The following NACA variants were observed in gnomAD, a reference collection of about 807,000 sequenced individuals.
NACA encodes nascent polypeptide-associated complex subunit alpha.
Under a neutral mutation model 86.4 loss-of-function variants are expected in NACA, and 42 were observed. The ratio of observed to expected loss-of-function variants is 0.49; its 90% CI spans 0.38 to 0.63. NACA has a LOEUF of 0.63. Among genes scored for constraint, NACA ranks in the 20% least tolerant of loss-of-function variants. NACA has a pLI of 0.00. For synonymous variants in NACA, 898 were observed against 973.7 expected, an observed-to-expected ratio of 0.92 and a Z score of 1.45; for missense variants, 2,157 against 2,483.6, an observed-to-expected ratio of 0.87 and a Z score of 2.80.
chr12:56,716,038 G>C lies in NACA; in HGVS notation c.5492C>G (p.Pro1831Arg). 6.2e-7 allele frequency: 1 copy of C among 1,609,060 alleles called. No individual in the cohort carries two copies. Among genetic ancestry groups the C allele is most frequent in the East Asian group, 2.2e-5 (1 of 44,798 alleles). ...CTCATCCTCATCAGCAGGGGCAAGG[G>C]GTTTAGAGGGTGATTCCAACACCAG... The part of the protein sequence containing the change: ...PGLVLESPSK[P>R]LAPADEDELL... The change falls in exon 3 of 9, where the codon CCC (proline) becomes CGC (arginine). Residue 1831 changes from proline to arginine, a missense_variant. Transcript: ENST00000454682.
At position 56,716,072 on chromosome 12, in the gene NACA, A is replaced by T; in HGVS notation, c.5458T>A (p.Ser1820Thr). 6.2e-7 allele frequency: 1 copy of T among 1,612,604 alleles called. No homozygotes were observed. The highest frequency in any genetic ancestry group is 8.5e-7 in the Non-Finnish European group (1 of 1,179,080). ...LPPKQQFLPS[S>T]PGLVLESPSK... Reference sequence around the variant, plus strand: ...GGTGATTCCAACACCAGCCCAGGAGAGGACGGCAGAAATTGCTGTTTAGGA... The same window carrying T: ...GGTGATTCCAACACCAGCCCAGGAGTGGACGGCAGAAATTGCTGTTTAGGA... The change falls in exon 3 of 9, where the codon TCT becomes ACT. Residue 1820 changes from serine to threonine, a missense_variant. Ser to Thr is a moderately conservative substitution (Grantham distance 58, BLOSUM62 1). Around this residue, in one of 8 missense-constraint regions of NACA, gnomAD observed 797 missense variants for 777.6 expected, o/e 1.02. Transcript: ENST00000454682.
rs1276357111 is a variant in NACA, at chr12:56,720,592, T to C, written c.938A>G (p.His313Arg). 2 of 1,613,878 alleles carry C rather than the reference T, an allele frequency of 1.2e-6. No individual in the cohort carries two copies. The highest frequency in any genetic ancestry group is 1.7e-5 in the Admixed American group (1 of 60,012). The change falls in exon 3 of 9, where the codon CAT (histidine) becomes CGT (arginine). Residue 313 changes from histidine to arginine, a missense_variant. Transcript: ENST00000454682. ...ISLGSHLAPL[H>R]QSSFGSVQLL... ...TTGGACAGAACCAAAAGAACTCTGA[T>C]GTAAAGGTGCAAGATGAGAGCCCAG...
At position 56,712,495 on chromosome 12, in the gene NACA, C is replaced by A; in HGVS notation, c.*43G>T. 1 of 1,584,172 alleles carries A rather than the reference C, an allele frequency of 6.3e-7. No individual in the cohort carries two copies. The highest frequency in any genetic ancestry group is 8.6e-7 in the Non-Finnish European group (1 of 1,156,106). On this transcript the variant is annotated 3_prime_UTR_variant, in exon 9 of 9. Transcript: ENST00000454682. ...ACAGTACAAATTTCAAACCAAGCTG[C>A]AGTTACTCCTTTGAGACACCAAAAA...
chr12:56,720,495 G>A lies in NACA; in HGVS notation c.1035C>T (p.Ser345=). 6.2e-7 allele frequency: 1 copy of A among 1,613,790 alleles called. No individual in the cohort carries two copies. Among genetic ancestry groups the A allele is most frequent in the Non-Finnish European group, 8.5e-7 (1 of 1,179,764 alleles). Residue 345 remains serine (S), a synonymous_variant, in exon 3 of 9, where the codon TCC becomes TCT. Coordinates refer to ENST00000454682, the MANE Select transcript of NACA (RefSeq NM_001365896.1). Reference sequence around the variant, plus strand: ...TCTGAGAAGGATAAGAGGCCCCTGTGGAAGAATGATCTACAGAAATGGTCT... The same window carrying A: ...TCTGAGAAGGATAAGAGGCCCCTGTAGAAGAATGATCTACAGAAATGGTCT... ...TVKTISVDHS[S]TGASYPSQRS...
In NACA at chr12:56,716,438, C is replaced by G; in HGVS notation, c.5092G>C (p.Ala1698Pro). ...GTCTGTGGACCTTTCCGAGTGGGAG[C>G]TGTGATGATTGGCGTGCTTTCTGGA... is the stretch of plus-strand genomic sequence containing the variant. ...PAPESTPIIT[A>P]PTRKGPQTKK... Residue 1698 changes from alanine (A) to proline (P), a missense_variant, in exon 3 of 9, where the codon GCT (alanine) becomes CCT (proline). Physicochemically the swap from Ala to Pro is conservative, Grantham distance 27. Around this residue, in one of 8 missense-constraint regions of NACA, gnomAD observed 797 missense variants for 777.6 expected, o/e 1.02. Coordinates refer to ENST00000454682, the MANE Select transcript of NACA (RefSeq NM_001365896.1). The G allele has an allele frequency of 1.9e-6, 3 of 1,585,110 alleles. No homozygotes were observed. Among genetic ancestry groups the G allele is most frequent in the Non-Finnish European group, 2.6e-6 (3 of 1,162,016 alleles).
rs775652034 is a variant in NACA at position 56,716,912 on chromosome 12, C to T, written c.4618G>A (p.Ala1540Thr). ...TATLLSKKTP[A>T]TLAPKEALIP... ...AGGGCCTCTTTGGGGGCTAGAGTTG[C>T]TGGGGTCTTTTTAGAGAGAAGAGTC... The change falls in exon 3 of 9, where the codon GCA (alanine) becomes ACA (threonine). Residue 1540 changes from alanine to threonine, a missense_variant. By Grantham distance (58) the Ala-to-Thr change is moderately conservative (BLOSUM62 0). Transcript: ENST00000454682. 6.1e-6 allele frequency: 8 copies of T among 1,303,692 alleles called. No individual in the cohort carries two copies. Among genetic ancestry groups the T allele is most frequent in the Non-Finnish European group, 7.9e-6 (8 of 1,006,362 alleles). 80.8% of individuals were successfully genotyped at this position (1,303,692 alleles called of 1,614,324 possible). A position where few individuals can be genotyped will look rare whatever the true frequency, so the allele number is the denominator to read the frequency against.
intron 2 of NACA, among the ~76,000 whole-genome samples, chr12:56,723,864 G>A (rs558496964): frequency 1.3e-5 from 2 of 152,130 alleles, no homozygotes; most frequent in South Asian, 2.1e-4. Context: ...GAGGATAAAA[G>A]GATTTATTTC....
At chr12:56,725,220 C>CG (rs1157328491) in intron 1 of NACA, 43 bp downstream of exon 1, 1 of 152,526 alleles carries the variant, frequency 6.6e-6, no homozygotes, top group East Asian at 1.9e-4. Flanking sequence ...GAAAGAAAGG[C>CG]GGATGGCTGC....
intron 7 of NACA, 64 bp downstream of exon 7, chr12:56,712,998 G>T: frequency 6.2e-7 from 1 of 1,610,798 alleles, no homozygotes. Flanking sequence ...TTTTAATATA[G>T]CTCACCAACA....
chr12:56,717,490 G>A lies in NACA; in HGVS notation c.4040C>T (p.Pro1347Leu), dbSNP rs778590276. 58 of 1,362,696 alleles carry A rather than the reference G, an allele frequency of 4.3e-5. No homozygotes were observed. In the South Asian group the frequency reaches 7.1e-4, roughly 17 times the overall value. The allele number at this position is 1,362,696 out of a possible 1,614,324, so 84.4% of individuals were successfully genotyped here. A position where few individuals can be genotyped will look rare whatever the true frequency, so the allele number is the denominator to read the frequency against. Reference sequence around the variant, plus strand: ...GGAGGGAGTTGTAGCTGGGAGAGTAGGGGTCCCTTTAGGGGAGGGAGGAGT... The same window carrying A: ...GGAGGGAGTTGTAGCTGGGAGAGTAAGGGTCCCTTTAGGGGAGGGAGGAGT... ...AVTPPSPKGT[P>L]TLPATTPSSK... The change falls in exon 3 of 9, where the codon CCT (proline) becomes CTT (leucine). Residue 1347 changes from proline (P) to leucine (L), a missense_variant. Transcript: ENST00000454682.
rs571910842 is a variant in NACA, at chr12:56,718,776, G to A, written c.2754C>T (p.Pro918=). 1.4e-6 allele frequency: 2 copies of A among 1,446,210 alleles called. No individual in the cohort carries two copies. The highest frequency in any genetic ancestry group is 1.1e-5 in the South Asian group (1 of 88,702). The allele number at this position is 1,446,210 out of a possible 1,614,324, so 89.6% of individuals were successfully genotyped here. Residue 918 remains proline, a synonymous_variant, in exon 3 of 9, where the codon CCC becomes CCT. Transcript: ENST00000454682. ...GGGCTGGAGTTGCTCGGGCCTTTTT[G>A]GGGGAGGAAGAAGTCATGGATAGAG... ...APALSMTSSS[P]KKARATPAPK...
chr12:56,720,309 T>C lies in NACA; in HGVS notation c.1221A>G (p.Leu407=), dbSNP rs998042510. 1 of 1,613,766 alleles carries C rather than the reference T, an allele frequency of 6.2e-7. No individual in the cohort carries two copies. Among genetic ancestry groups the C allele is most frequent in the African/African-American group, 1.3e-5 (1 of 74,982 alleles). ...TGAGAATGAGAGAGGTTGTAGGAGA[T>C]AATGAAAAAGAGGTAGCTACATTTA... ...GSLNVATSFS[L]SPTTSLILKS... is the part of the protein sequence containing the mutation. Residue 407 remains leucine (L), a synonymous_variant, in exon 3 of 9, where the codon TTA becomes TTG. Transcript: ENST00000454682.
In NACA at chr12:56,717,429, CTCTTTGGAGGATGGAGTAGTTGGGCCT is replaced by C; in HGVS notation, c.4074_4100del (p.Thr1362_Thr1370del). The C allele has an allele frequency of 7.3e-7, 1 of 1,378,622 alleles. No individual in the cohort carries two copies. The highest frequency in any genetic ancestry group is 9.6e-7 in the Non-Finnish European group (1 of 1,042,168). The allele number at this position is 1,378,622 out of a possible 1,614,324, so 85.4% of individuals were successfully genotyped here. ...GGGTTGCAGCTGGGGGAGTGGGGCC[CTCTTTGGAGGATGGAGTAGTTGGGCCT>C]CCTTTAGAGGAGGGAGTTGTAGCTG... On this transcript the variant is annotated inframe_deletion, in exon 3 of 9. Transcript: ENST00000454682.
rs748931281 is a variant in NACA at position 56,719,336 on chromosome 12, T to C, written c.2194A>G (p.Lys732Glu). Residue 732 changes from lysine (K) to glutamate (E), a missense_variant, in exon 3 of 9, where the codon AAG (lysine) becomes GAG (glutamate). Lys to Glu is a moderately conservative substitution (Grantham distance 56). Around this residue, in one of 8 missense-constraint regions of NACA, gnomAD observed 947 missense variants for 917.9 expected, o/e 1.03. Coordinates refer to ENST00000454682, the MANE Select transcript of NACA (RefSeq NM_001365896.1). ...GGAAGAGAGGGTGAGGGCACAGACTTTGGGATTTCAGGGGCCAGCACTAAG... is the reference window on the plus strand; with the variant it reads ...GGAAGAGAGGGTGAGGGCACAGACTCTGGGATTTCAGGGGCCAGCACTAAG... ...ATLVLAPEIP[K>E]SVPSPSLPPA... 20 of 1,605,744 alleles carry C rather than the reference T, an allele frequency of 1.2e-5. No individual in the cohort carries two copies. The African/African-American group carries it at 2.1e-4, about 17-fold the overall frequency.
In NACA at chr12:56,720,635, G is replaced by C; in HGVS notation, c.895C>G (p.Pro299Ala). The stretch of plus-strand genomic sequence containing the variant: ...GAGCCCAGAGAAATGGGAAAATCTG[G>C]GGGGGTGTTGGGACCCGCAGTCTTT... ...SQKTAGPNTP[P>A]DFPISLGSHL... is the part of the protein sequence containing the mutation. Residue 299 changes from proline to alanine, a missense_variant, in exon 3 of 9, where the codon CCA becomes GCA. Transcript: ENST00000454682. 2 of 1,613,952 alleles carry C rather than the reference G, an allele frequency of 1.2e-6. No homozygotes were observed. The highest frequency in any genetic ancestry group is 1.7e-6 in the Non-Finnish European group (2 of 1,179,896).
intron 3 of NACA, 66 bp from the exon 4 acceptor site, chr12:56,714,753 C>T (rs757034980): frequency 2.6e-5 from 37 of 1,445,294 alleles, no homozygotes; most frequent in Non-Finnish European, 3.5e-5. Flanking sequence ...TTCACCACAG[C>T]CTGCCCTGGA....
Position 56,724,483 on chromosome 12 carries a change from C to G in NACA, c.39G>C (p.Glu13Asp). Residue 13 changes from glutamate (E) to aspartate (D), a missense_variant, in exon 2 of 9, where the codon GAG becomes GAC. By Grantham distance (45) the Glu-to-Asp change is conservative. Transcript: ENST00000454682. ...GEATETVPAT[E>D]QELPQPQAET... is the part of the protein sequence containing the mutation. ...CAGCCTGGGGCTGCGGCAACTCCTG[C>G]TCTGTAGCAGGGACGGTTTCTGTGG... The G allele has an allele frequency of 6.2e-7, 1 of 1,612,828 alleles. No individual in the cohort carries two copies. Among genetic ancestry groups the G allele is most frequent in the South Asian group, 1.1e-5 (1 of 90,766 alleles).
In NACA at chr12:56,721,389, A is replaced by C; in HGVS notation, c.141T>G (p.Pro47=). 2 of 1,470,640 alleles carry C rather than the reference A, an allele frequency of 1.4e-6. No homozygotes were observed. The highest frequency in any genetic ancestry group is 1.8e-6 in the Non-Finnish European group (2 of 1,103,474). The allele number at this position is 1,470,640 out of a possible 1,614,324, so 91.1% of individuals were successfully genotyped here. A position where few individuals can be genotyped will look rare whatever the true frequency, so the allele number is the denominator to read the frequency against. ...ALGQPGPTLP[P]PCSPAPQQCP... is the part of the protein sequence containing the mutation. The stretch of plus-strand genomic sequence containing the variant: ...ACTGTTGTGGGGCAGGAGAGCAAGG[A>C]GGGGGGAGGGTAGGTCCAGGCTGCC... Residue 47 remains proline (P), a synonymous_variant, in exon 3 of 9, where the codon CCT becomes CCG. Transcript: ENST00000454682.
At position 56,714,449 on chromosome 12, in the gene NACA, T is replaced by C. The variant is rs754879668; in HGVS notation, c.5746-10A>G. On this transcript the variant is annotated splice_polypyrimidine_tract_variant and intron_variant, in intron 4 of 8. Coordinates refer to ENST00000454682, the MANE Select transcript of NACA (RefSeq NM_001365896.1). ...CAGCTGCTGCCGCCAGCTAAGAAGA[T>C]AAAACAGCTATTAGTTAACCAGAAT... 2.5e-6 allele frequency: 4 copies of C among 1,613,822 alleles called. No individual in the cohort carries two copies. The South Asian group carries it at 3.3e-5, about 13-fold the overall frequency.
Sources: allele counts gnomAD v4.1 joint callset (sites outside exome capture counted in the v4.1 genomes callset), GRCh38; gene constraint gnomAD v4.1.1; regional missense constraint gnomAD v4.1.1; transcripts MANE v1.5; gene names NCBI Gene and HGNC (gene_info 2026-07-23, HGNC 2026-07-21).